Variants in ERC1 observed in about 807,000 individuals in gnomAD.
ERC1 encodes RAB6 interacting protein 2.
ERC1 carries 56 observed loss-of-function variants against 132.0 expected under a neutral mutation model. That is an observed-to-expected ratio of 0.42 (90% confidence interval 0.34 to 0.53). The LOEUF is 0.53. Ranked by LOEUF, ERC1 falls within the 20% of genes least tolerant of loss-of-function variation. The pLI is 0.03. For missense variants in ERC1, 1,202 were observed against 1,349.9 expected, an observed-to-expected ratio of 0.89 and a Z score of 1.72; for synonymous variants, 478 against 476.1, an observed-to-expected ratio of 1.00 and a Z score of -0.05.
chr12:1,248,314 G>A (rs1410892201), intron 13 of ERC1, among the ~76,000 whole-genome samples: 4 of 152,078 alleles, frequency 2.6e-5, no homozygotes, highest in Non-Finnish European at 4.4e-5. Flanking sequence ...ATTGTCTCAT[G>A]GAAAAACAAT....
At chr12:1,487,470 C>T (rs1208416618) in intron 18 of ERC1, among the ~76,000 whole-genome samples, 3 of 133,662 alleles carry the variant, frequency 2.2e-5, no homozygotes, top group African/African-American at 8.3e-5. Flanking sequence ...TTTAGGAGGC[C>T]GAGGCAGGAG....
intron 12 of ERC1, among the ~76,000 whole-genome samples, chr12:1,226,090 C>A (rs2074553951): frequency 6.6e-6 from 1 of 151,964 alleles, no homozygotes. Context: ...CATTATTTTT[C>A]TTTTTATTTC....
chr12:1,141,555 C>G, intron 7 of ERC1, 65 bp from the exon 8 acceptor site: 2 of 1,322,494 alleles, frequency 1.5e-6, no homozygotes, highest in South Asian at 3.1e-5. Context: ...TATAACATAT[C>G]TATTTGAAAG....
chr12:1,114,889 C>T (rs1946286724), intron 6 of ERC1, among the ~76,000 whole-genome samples: 1 of 151,952 alleles, frequency 6.6e-6, no homozygotes, highest in Non-Finnish European at 1.5e-5. Context: ...TTTGGTGTTC[C>T]TCAAAGGTCT....
At chr12:1,093,942 AATATATATATTTTTCTATATATAT>A (rs1462668960) in intron 3 of ERC1, among the ~76,000 whole-genome samples, 18 of 50,810 alleles carry the variant, frequency 3.5e-4, no homozygotes, top group Non-Finnish European at 5.4e-4. Context: ...TTTCTATATA[AATATATATATTTTTCTATATATAT>A]ATATATATAT....
chr12:1,203,153 G>A (rs1218075789), intron 12 of ERC1, among the ~76,000 whole-genome samples: 2 of 152,210 alleles, frequency 1.3e-5, no homozygotes, highest in African/African-American at 2.4e-5. Context: ...CACCTCCCTG[G>A]TTCAACCGAT....
At chr12:1,199,542 G>T (rs1209579283) in intron 12 of ERC1, among the ~76,000 whole-genome samples, 1 of 152,062 alleles carries the variant, frequency 6.6e-6, no homozygotes, top group Non-Finnish European at 1.5e-5. Flanking sequence ...AGGCTGAGGC[G>T]GGTGGATCAC....
chr12:1,036,254 T>C (rs1252783767), intron 2 of ERC1, among the ~76,000 whole-genome samples: 1 of 139,474 alleles, frequency 7.2e-6, no homozygotes. Flanking sequence ...CCTTGTGTAA[T>C]TCTTTGTCAT....
intron 18 of ERC1, among the ~76,000 whole-genome samples, chr12:1,447,132 A>G (rs1012711116): frequency 1.3e-5 from 2 of 152,164 alleles, no homozygotes; most frequent in Non-Finnish European, 1.5e-5. Context: ...ATACACAACT[A>G]CAGTGCAACC....
chr12:1,426,102 ATTT>A (rs200517286), intron 17 of ERC1, among the ~76,000 whole-genome samples: 16 of 138,726 alleles, frequency 1.2e-4, no homozygotes, highest in Admixed American at 5.1e-4. Flanking sequence ...GAGTTTTTAG[ATTT>A]TTTTTTTTTT....
At chr12:1,169,359 A>G (rs1952805045) in intron 8 of ERC1, among the ~76,000 whole-genome samples, 1 of 152,170 alleles carries the variant, frequency 6.6e-6, no homozygotes, top group South Asian at 2.1e-4. Context: ...ATGGACATCC[A>G]GTGATTGATC....
chr12:1,445,693 G>A lies in ERC1; in HGVS notation c.3213+943G>A, dbSNP rs2093286589. Among the ~76,000 whole-genome samples the A allele has an allele frequency of 2.6e-5, 4 of 152,192 alleles. No homozygotes were observed. In the South Asian group the frequency reaches 8.3e-4, roughly 32 times the overall value. ...AGATATTTGGAATTACCTTTTGAAG[G>A]AAGTACGATTCTTGGCTCAGTGTAA... On this transcript the variant is annotated intron_variant, in intron 18 of 18. Coordinates refer to ENST00000360905, the MANE Select transcript of ERC1 (RefSeq NM_178040.4).
intron 12 of ERC1, among the ~76,000 whole-genome samples, chr12:1,194,906 A>T (rs1429803978): frequency 1.7e-5 from 2 of 117,498 alleles, no homozygotes; most frequent in Non-Finnish European, 3.2e-5. Context: ...ATATTTCCTG[A>T]TTTGAGGGAA....
chr12:1,373,184 A>G (rs1188319285), intron 16 of ERC1, among the ~76,000 whole-genome samples: 1 of 152,228 alleles, frequency 6.6e-6, no homozygotes, highest in South Asian at 2.1e-4. Context: ...GAATGTGCTT[A>G]TTATGAAAGA....
intron 5 of ERC1, among the ~76,000 whole-genome samples, chr12:1,111,903 C>T (rs1309764177): frequency 2.0e-5 from 3 of 152,088 alleles, no homozygotes; most frequent in South Asian, 4.1e-4. Context: ...TGAGCTGCTG[C>T]GCCTGGCCTC....
At position 1,102,204 on chromosome 12, in the gene ERC1, A is replaced by G. The variant is rs571954074; in HGVS notation, c.1087-2546A>G. Among the ~76,000 whole-genome samples, 22 of 152,252 alleles carry G rather than the reference A, an allele frequency of 1.4e-4. 1 individual carries two copies. In the South Asian group the frequency reaches 4.6e-3, roughly 32 times the overall value. On this transcript the variant is annotated intron_variant, in intron 3 of 18. Transcript: ENST00000360905. ...GACAATAACTATTAGGTTTAGAAAC[A>G]AGGAGGTTTTTTATTTGCTATTTTA... is the stretch of plus-strand genomic sequence containing the variant.
intron 13 of ERC1, among the ~76,000 whole-genome samples, chr12:1,253,593 T>C (rs560754150): frequency 3.4e-4 from 51 of 152,182 alleles, no homozygotes; most frequent in Middle Eastern, 3.4e-3. Context: ...GGAGAATTGC[T>C]TGAACCCAGG....
At chr12:1,167,236 A>G (rs1952516369) in intron 8 of ERC1, among the ~76,000 whole-genome samples, 1 of 152,242 alleles carries the variant, frequency 6.6e-6, no homozygotes, top group Admixed American at 6.5e-5. Flanking sequence ...ACAGACACAT[A>G]TCTAGAAAAA....
chr12:1,328,626 C>T (rs1018805767), intron 15 of ERC1, among the ~76,000 whole-genome samples: 2 of 146,868 alleles, frequency 1.4e-5, no homozygotes, highest in African/African-American at 2.7e-5. Context: ...CTCTCTCTTT[C>T]GCTTCCCCCT....
Sources: gnomAD v4.1 joint callset for allele counts (sites outside exome capture counted in the v4.1 genomes callset) on GRCh38, gnomAD v4.1.1 for gene constraint, MANE v1.5 for transcripts, NCBI Gene and HGNC (gene_info 2026-07-23, HGNC 2026-07-21) for gene names.